DPP6: variants seen among roughly 807,000 people sequenced by gnomAD.
The protein encoded by DPP6 is A-type potassium channel modulatory protein DPP6.
In DPP6, 69 loss-of-function variants were observed where a neutral mutation model predicts 122.6. The ratio of observed to expected loss-of-function variants is 0.56; its 90% confidence interval spans 0.46 to 0.69. The LOEUF (loss-of-function observed/expected upper bound fraction) is 0.69, where lower values mean the gene tolerates loss of function less well. Among genes scored for constraint, DPP6 ranks in the 30% least tolerant of loss-of-function variants. DPP6 has a pLI of 0.00. For missense variants in DPP6, 928 were observed against 1,116.9 expected, an observed-to-expected ratio of 0.83 and a Z score of 2.41; for synonymous variants, 418 against 433.1, an observed-to-expected ratio of 0.97 and a Z score of 0.43.
At chr7:153,788,965 CAAAA>C in the DPP6 span, among the ~76,000 whole-genome samples, 1 of 134,582 alleles carries the variant, frequency 7.4e-6, no homozygotes, top group African/African-American at 2.7e-5. Context: ...AAGTCTGTCT[CAAAA>C]AAAAAAAAAA....
chr7:154,707,102 G>A (rs2131288375), intron 7 of DPP6, among the ~76,000 whole-genome samples: 1 of 152,310 alleles, frequency 6.6e-6, no homozygotes, highest in African/African-American at 2.4e-5. Flanking sequence ...ACTGGTTTTT[G>A]AAGGAAAGGG....
At chr7:154,649,546 G>A (rs559968915) in intron 6 of DPP6, among the ~76,000 whole-genome samples, 7 of 152,230 alleles carry the variant, frequency 4.6e-5, no homozygotes, top group African/African-American at 7.2e-5. Flanking sequence ...CCTGCCCTCC[G>A]CCCGGTCACT....
chr7:154,389,963 T>G (rs983377181), intron 1 of DPP6, among the ~76,000 whole-genome samples: 1 of 152,240 alleles, frequency 6.6e-6, no homozygotes, highest in Non-Finnish European at 1.5e-5. Context: ...GTTTGCAATG[T>G]TCAATTCTAA....
chr7:153,836,193 C>A, the DPP6 span, among the ~76,000 whole-genome samples: 1 of 152,218 alleles, frequency 6.6e-6, no homozygotes, highest in Non-Finnish European at 1.5e-5. Context: ...ACGTTTGCCA[C>A]GCTGGAGGCC....
At chr7:153,793,110 G>A in the DPP6 span, among the ~76,000 whole-genome samples, 2 of 152,086 alleles carry the variant, frequency 1.3e-5, no homozygotes, top group Admixed American at 6.6e-5. Context: ...AGTACATTGG[G>A]GCATTGCTGA....
At chr7:154,236,150 G>A (rs1449193591) in intron 1 of DPP6, among the ~76,000 whole-genome samples, 1 of 152,108 alleles carries the variant, frequency 6.6e-6, no homozygotes, top group Non-Finnish European at 1.5e-5. Context: ...ACTGTGTCCA[G>A]CCAGTTTTAT....
the DPP6 span, among the ~76,000 whole-genome samples, chr7:153,771,471 C>G: frequency 6.6e-6 from 1 of 152,196 alleles, no homozygotes; most frequent in Non-Finnish European, 1.5e-5. Flanking sequence ...TCCCAAGTAG[C>G]TGGTATTACA....
chr7:153,928,395 C>CTTTTTTTTTTTTTTTTTTTTTTTTT (rs1467865041), intron 1 of DPP6, among the ~76,000 whole-genome samples: 1 of 29,986 alleles, frequency 3.3e-5, no homozygotes, highest in African/African-American at 1.3e-4. Context: ...TCTTTTCTTT[C>CTTTTTTTTTTTTTTTTTTTTTTTTT]ATTTTTTTTT....
At chr7:154,773,832 G>C (rs1456023062) in intron 10 of DPP6, among the ~76,000 whole-genome samples, 1 of 152,102 alleles carries the variant, frequency 6.6e-6, no homozygotes, top group Non-Finnish European at 1.5e-5. Flanking sequence ...AGGAATCGAG[G>C]CCTCAGGTCT....
chr7:154,770,844 C>T (rs1262206623), intron 9 of DPP6, among the ~76,000 whole-genome samples: 1 of 152,244 alleles, frequency 6.6e-6, no homozygotes, highest in Non-Finnish European at 1.5e-5. Flanking sequence ...CCTCCACAGC[C>T]ACTCAGCTGG....
chr7:153,862,826 C>G, the DPP6 span, among the ~76,000 whole-genome samples: 40 of 151,972 alleles, frequency 2.6e-4, no homozygotes, highest in Admixed American at 7.2e-4. Flanking sequence ...TAATTTAGAA[C>G]TAAACAACAA....
At chr7:154,588,090 G>A (rs766578236) in intron 5 of DPP6, 17 of 1,597,538 alleles carry the variant, frequency 1.1e-5, no homozygotes, top group Middle Eastern at 1.7e-4. Flanking sequence ...AGTGAGCCTT[G>A]CAGCCTCTGC....
chr7:154,391,142 C>T (rs1480893183), intron 1 of DPP6, among the ~76,000 whole-genome samples: 4 of 152,240 alleles, frequency 2.6e-5, no homozygotes, highest in Non-Finnish European at 5.9e-5. Context: ...CGCCGCGCGG[C>T]ATCCGTATGC....
chr7:153,765,329 G>A, the DPP6 span, among the ~76,000 whole-genome samples: 5 of 151,750 alleles, frequency 3.3e-5, no homozygotes, highest in Admixed American at 6.6e-5. Context: ...ATCACCTGAG[G>A]TCAAGAGTTC....
In DPP6 at chr7:154,595,308, C is replaced by T. The variant is rs144970609; in HGVS notation, c.627+28392C>T. On this transcript the variant is annotated intron_variant, in intron 5 of 25. Coordinates refer to ENST00000377770, the MANE Select transcript of DPP6 (RefSeq NM_130797.4). Reference sequence around the variant, plus strand: ...TCTGGGACTCCCAAACCCAACTGTGCTTTAGAGAAAGAGTCCTGGACTCAA... The same window carrying T: ...TCTGGGACTCCCAAACCCAACTGTGTTTTAGAGAAAGAGTCCTGGACTCAA... Among the ~76,000 whole-genome samples the T allele has an allele frequency of 5.6e-4, 86 of 152,242 alleles. 1 individual carries two copies. The highest frequency in any genetic ancestry group is 2.0e-3 in the African/African-American group (84 of 41,542).
chr7:154,491,951 G>C (rs544199496), intron 3 of DPP6, among the ~76,000 whole-genome samples: 2 of 152,196 alleles, frequency 1.3e-5, no homozygotes, highest in South Asian at 2.1e-4. Context: ...GTAGCTCAAG[G>C]ATCCCATAAT....
intron 1 of DPP6, among the ~76,000 whole-genome samples, chr7:154,314,115 G>C (rs975884764): frequency 6.6e-6 from 1 of 152,118 alleles, no homozygotes; most frequent in African/African-American, 2.4e-5. Flanking sequence ...AACTTACGGG[G>C]GAGTTGGGAG....
chr7:153,944,394 A>G (rs1238312237), intron 1 of DPP6, among the ~76,000 whole-genome samples: 2 of 152,168 alleles, frequency 1.3e-5, no homozygotes. Flanking sequence ...CTGCCGGGTC[A>G]TGTGATGTTG....
intron 1 of DPP6, among the ~76,000 whole-genome samples, chr7:154,083,080 A>G (rs1186968577): frequency 2.0e-5 from 3 of 151,684 alleles, no homozygotes; most frequent in Non-Finnish European, 4.4e-5. Context: ...CGATCTCCTG[A>G]CCTCGTGATC....
Sources: allele counts gnomAD v4.1 joint callset (sites outside exome capture counted in the v4.1 genomes callset), GRCh38; gene constraint gnomAD v4.1.1; transcripts MANE v1.5; gene names NCBI Gene and HGNC (gene_info 2026-07-23, HGNC 2026-07-21).